The following NBAS variants were observed in gnomAD, a reference collection of about 807,000 sequenced individuals.
NBAS encodes the protein NBAS subunit of NRZ tethering complex.
NBAS carries 219 observed loss-of-function variants against 302.5 expected under a neutral mutation model. That is an observed-to-expected ratio of 0.72 (90% confidence interval 0.65 to 0.81). The LOEUF is 0.81. Among genes scored for constraint, NBAS ranks in the 30% least tolerant of loss-of-function variants. The pLI is 0.00. For missense variants in NBAS, 2,932 were observed against 2,841.6 expected (o/e 1.03, Z -0.72); for synonymous variants, 1,118 against 1,021.6 (o/e 1.09, Z -1.80).
chr2:15,269,423 C>T (rs944161856), intron 44 of NBAS, among the ~76,000 whole-genome samples: 10 of 152,020 alleles, frequency 6.6e-5, no homozygotes, highest in South Asian at 2.1e-4. Flanking sequence ...TTTTGCATGC[C>T]GGGCTACTTT....
rs549903615 is a variant in NBAS at position 15,439,576 on chromosome 2, G to A, written c.2340-11782C>T. On this transcript the variant is annotated intron_variant, in intron 21 of 51. Transcript: ENST00000281513. ...CTGGTCTACAGCTCCCAGCGTGAGC[G>A]ATGCAGAAGATGCATGATTTCTGCA... Among the ~76,000 whole-genome samples, 25 of 152,232 alleles carry A rather than the reference G, an allele frequency of 1.6e-4. 1 individual carries two copies. The South Asian group carries it at 1.7e-3, about 10-fold the overall frequency.
chr2:15,275,145 G>T (rs1186234844), intron 44 of NBAS, among the ~76,000 whole-genome samples: 3 of 152,068 alleles, frequency 2.0e-5, no homozygotes, highest in Non-Finnish European at 4.4e-5. Context: ...TCCGAATGCA[G>T]GTAATCTGGG....
chr2:15,160,251 C>T, the NBAS span, among the ~76,000 whole-genome samples: 2 of 151,980 alleles, frequency 1.3e-5, no homozygotes, highest in African/African-American at 2.4e-5. Flanking sequence ...AGATGAACAC[C>T]GGGGTCTCAG....
chr2:14,890,196 A>C, the NBAS span, among the ~76,000 whole-genome samples: 15 of 152,242 alleles, frequency 9.9e-5, no homozygotes, highest in South Asian at 4.1e-4. Context: ...GAAAAGAAAA[A>C]TTTATCCTTT....
chr2:15,076,527 G>A, the NBAS span, among the ~76,000 whole-genome samples: 11 of 152,184 alleles, frequency 7.2e-5, 1 homozygote, highest in Admixed American at 7.2e-4. Context: ...TACAAGTTGT[G>A]TTCCAATAAC....
intron 44 of NBAS, among the ~76,000 whole-genome samples, chr2:15,258,364 A>T (rs915279310): frequency 1.3e-5 from 2 of 152,160 alleles, no homozygotes; most frequent in African/African-American, 4.8e-5. Flanking sequence ...AGGGAAGGGA[A>T]CCATGAGGTC....
chr2:15,393,007 G>A (rs1675684687), intron 28 of NBAS, among the ~76,000 whole-genome samples: 1 of 152,014 alleles, frequency 6.6e-6, no homozygotes, highest in African/African-American at 2.4e-5. Context: ...TAATTCAGTA[G>A]AGAAAGGATG....
At chr2:15,176,277 A>T (rs973268054) in intron 51 of NBAS, among the ~76,000 whole-genome samples, 1 of 152,206 alleles carries the variant, frequency 6.6e-6, no homozygotes, top group African/African-American at 2.4e-5. Context: ...TATTTTATTT[A>T]TGTAGCATTT....
At chr2:15,040,358 G>T in the NBAS span, among the ~76,000 whole-genome samples, 1 of 152,132 alleles carries the variant, frequency 6.6e-6, no homozygotes, top group Admixed American at 6.5e-5. Flanking sequence ...AACAGGTAGG[G>T]ATCTCTGATT....
the NBAS span, among the ~76,000 whole-genome samples, chr2:14,964,789 C>T: frequency 1.3e-5 from 2 of 151,756 alleles, no homozygotes; most frequent in Non-Finnish European, 2.9e-5. Context: ...CATTTTGAGC[C>T]ATAAAAAAAC....
chr2:15,554,884 G>A (rs1420942463), intron 3 of NBAS, among the ~76,000 whole-genome samples: 1 of 151,996 alleles, frequency 6.6e-6, no homozygotes, highest in East Asian at 1.9e-4. Flanking sequence ...CTCATGTGAT[G>A]CAAGAATCTG....
At chr2:15,445,449 G>A (rs1038423990) in intron 21 of NBAS, among the ~76,000 whole-genome samples, 1 of 142,834 alleles carries the variant, frequency 7.0e-6, no homozygotes, top group African/African-American at 2.6e-5. Flanking sequence ...GGTGGGAATT[G>A]AACAATGAGA....
the NBAS span, among the ~76,000 whole-genome samples, chr2:14,862,325 G>A: frequency 1.3e-5 from 2 of 152,034 alleles, no homozygotes; most frequent in Non-Finnish European, 2.9e-5. Flanking sequence ...CACCATATTG[G>A]TCAGGCTGAT....
At chr2:15,472,258 G>C (rs1380353333) in intron 16 of NBAS, among the ~76,000 whole-genome samples, 2 of 151,990 alleles carry the variant, frequency 1.3e-5, no homozygotes, top group Non-Finnish European at 2.9e-5. Context: ...TGCTCCTATG[G>C]CTTGGCCACC....
intron 2 of NBAS, among the ~76,000 whole-genome samples, chr2:15,557,508 T>A (rs1664703859): frequency 6.6e-6 from 1 of 152,160 alleles, no homozygotes; most frequent in Non-Finnish European, 1.5e-5. Context: ...GCATTTGTCA[T>A]TATGAAAACT....
At chr2:15,160,599 G>GC in the NBAS span, among the ~76,000 whole-genome samples, 14 of 132,000 alleles carry the variant, frequency 1.1e-4, no homozygotes, top group African/African-American at 3.9e-4. Context: ...GGGAGGGGGG[G>GC]GGGCAGGAGG....
At chr2:15,153,004 T>C in the NBAS span, among the ~76,000 whole-genome samples, 2 of 152,116 alleles carry the variant, frequency 1.3e-5, no homozygotes, top group African/African-American at 2.4e-5. Context: ...AGAGATACAA[T>C]TGGTGAAAGA....
the NBAS span, among the ~76,000 whole-genome samples, chr2:15,034,242 AAG>A: frequency 2.3e-5 from 2 of 87,336 alleles, 1 homozygote; most frequent in Non-Finnish European, 4.7e-5. Context: ...GAAGGAAAGA[AAG>A]AAAGAAAGAA....
chr2:15,534,635 TC>T lies in NBAS; in HGVS notation c.653del (p.Gly218GlufsTer44). On this transcript the variant is annotated frameshift_variant, in exon 9 of 52. Coordinates refer to ENST00000281513, the MANE Select transcript of NBAS (RefSeq NM_015909.4). LOFTEE classifies it high-confidence loss of function. ...GELRSYLVSV[G>X]TNQSYQESHC... The stretch of plus-strand genomic sequence containing the variant: ...GACTTTCTTGGTAGCTCTGATTTGT[TC>T]CAACACTAAATTTAAGAGGGTATGA... 1 of 1,611,828 alleles carries T rather than the reference TC, an allele frequency of 6.2e-7. No homozygotes were observed. The highest frequency in any genetic ancestry group is 1.7e-4 in the Middle Eastern group (1 of 6,058).
Sources: allele counts gnomAD v4.1 joint callset (sites outside exome capture counted in the v4.1 genomes callset), GRCh38; gene constraint gnomAD v4.1.1; transcripts MANE v1.5; gene names NCBI Gene and HGNC (gene_info 2026-07-23, HGNC 2026-07-21).